The following RAP1GAP2 variants were observed in gnomAD, a reference collection of about 807,000 sequenced individuals.
RAP1GAP2 encodes rap1 GTPase-activating protein 2.
Under a neutral mutation model 95.0 loss-of-function variants are expected in RAP1GAP2, and 27 were observed. That is an observed-to-expected ratio of 0.28 (90% CI 0.21 to 0.39). RAP1GAP2 has a LOEUF of 0.39. Ranked by LOEUF, RAP1GAP2 falls within the 10% of genes least tolerant of loss-of-function variation. The pLI is 1.00. For synonymous variants in RAP1GAP2, 373 were observed against 380.9 expected, an observed-to-expected ratio of 0.98 and a Z score of 0.24; for missense variants, 771 against 970.0, an observed-to-expected ratio of 0.79 and a Z score of 2.72.
intron 11 of RAP1GAP2, among the ~76,000 whole-genome samples, chr17:2,990,845 CTTTTT>C (rs34075979): frequency 2.3e-5 from 3 of 128,772 alleles, no homozygotes; most frequent in Non-Finnish European, 1.6e-5. Context: ...GTTCTTTATT[CTTTTT>C]TTTTTTTTTT....
chr17:2,824,740 CAAAA>C (rs940171590), intron 2 of RAP1GAP2, among the ~76,000 whole-genome samples: 1 of 56,652 alleles, frequency 1.8e-5, no homozygotes, highest in Non-Finnish European at 3.9e-5. Context: ...AACTCTGTCT[CAAAA>C]AAAAAAAAAA....
At chr17:2,966,736 T>C (rs1315360845) in intron 8 of RAP1GAP2, among the ~76,000 whole-genome samples, 5 of 152,174 alleles carry the variant, frequency 3.3e-5, no homozygotes, top group Admixed American at 6.5e-5. Context: ...AAGAGCCAAT[T>C]TTCTGAGAGG....
At chr17:2,868,824 A>C (rs905420070) in intron 2 of RAP1GAP2, among the ~76,000 whole-genome samples, 4 of 152,160 alleles carry the variant, frequency 2.6e-5, no homozygotes, top group Non-Finnish European at 4.4e-5. Context: ...CGGCCAGAAC[A>C]GATAGTGTTT....
chr17:2,793,882 C>T (rs1232113097), upstream of RAP1GAP2, among the ~76,000 whole-genome samples: 5 of 151,974 alleles, frequency 3.3e-5, no homozygotes, highest in Non-Finnish European at 7.4e-5. Flanking sequence ...GGGTGGATCA[C>T]CGGAGGTCAG....
chr17:2,812,573 C>G (rs1178671863), intron 2 of RAP1GAP2, among the ~76,000 whole-genome samples: 1 of 151,890 alleles, frequency 6.6e-6, no homozygotes, highest in Non-Finnish European at 1.5e-5. Context: ...CCCCCAGCCC[C>G]CATCTGGTGG....
Position 2,857,376 on chromosome 17 carries a change from G to C in RAP1GAP2, c.81-47908G>C, listed in dbSNP as rs543723516. Among the ~76,000 whole-genome samples the C allele has an allele frequency of 6.6e-6, 1 of 152,306 alleles. No individual in the cohort carries two copies. The highest frequency in any genetic ancestry group is 2.1e-4 in the South Asian group (1 of 4,816). On this transcript the variant is annotated intron_variant, in intron 2 of 24. Transcript: ENST00000254695. The surrounding 1 kb of genome is among the most constrained non-coding windows in gnomAD (Gnocchi z 4.0). ...TGCCAGCCAGGGTAGTCATGAGACA[G>C]ATGTCCCATATAGTCCCAGAACTAG... is the stretch of plus-strand genomic sequence containing the variant.
Position 2,905,828 on chromosome 17 carries a change from G to A in RAP1GAP2, c.165+460G>A, listed in dbSNP as rs528761114. 3.3e-5 allele frequency among the ~76,000 whole-genome samples: 5 copies of A among 152,254 alleles called. No homozygotes were observed. The South Asian group carries it at 1.0e-3, about 32-fold the overall frequency. ...GAAGGGTTGGCTGGAGGTTCGGGTC[G>A]GGGTGGCAGTTATTTTCTTATCAGC... On this transcript the variant is annotated intron_variant, in intron 3 of 24. Coordinates refer to ENST00000254695, the MANE Select transcript of RAP1GAP2 (RefSeq NM_015085.5).
chr17:2,801,980 C>T (rs1194729812), intron 2 of RAP1GAP2, among the ~76,000 whole-genome samples: 1 of 152,176 alleles, frequency 6.6e-6, no homozygotes, highest in Non-Finnish European at 1.5e-5. Flanking sequence ...GCAATGAGTA[C>T]TGGCTAACCA....
At chr17:2,912,951 G>A (rs561033300) in intron 3 of RAP1GAP2, among the ~76,000 whole-genome samples, 1 of 152,294 alleles carries the variant, frequency 6.6e-6, no homozygotes, top group African/African-American at 2.4e-5. Context: ...GCTGAGGCAG[G>A]AGGATCCCTT....
upstream of RAP1GAP2, among the ~76,000 whole-genome samples, chr17:2,775,611 G>A (rs1487694321): frequency 1.3e-5 from 2 of 152,166 alleles, no homozygotes; most frequent in Admixed American, 6.6e-5. Flanking sequence ...GGGTCAGGAG[G>A]CCATGACCCA....
At position 2,965,683 on chromosome 17, in the gene RAP1GAP2, G is replaced by A; in HGVS notation, c.596+40G>A. On this transcript the variant is annotated intron_variant, in intron 8 of 24. Coordinates refer to ENST00000254695, the MANE Select transcript of RAP1GAP2 (RefSeq NM_015085.5). The surrounding 1 kb of genome is among the most constrained non-coding windows in gnomAD (Gnocchi z 4.7). ...CTGCTTGAGGCCACTTCTCTTCCAG[G>A]CAGGGCTCTCATCGGTGGTGTGGGG... The A allele has an allele frequency of 6.9e-7, 1 of 1,442,266 alleles. No individual in the cohort carries two copies. The highest frequency in any genetic ancestry group is 9.6e-7 in the Non-Finnish European group (1 of 1,040,834). The allele number at this position is 1,442,266 out of a possible 1,614,324, so 89.3% of individuals were successfully genotyped here.
intron 2 of RAP1GAP2, among the ~76,000 whole-genome samples, chr17:2,800,950 A>G (rs1284709449): frequency 6.7e-6 from 1 of 149,880 alleles, no homozygotes; most frequent in East Asian, 2.0e-4. Flanking sequence ...TCCAGGTTCA[A>G]GTGAATCTCC....
At chr17:3,011,925 A>G (rs1163511727) in intron 17 of RAP1GAP2, among the ~76,000 whole-genome samples, 1 of 152,064 alleles carries the variant, frequency 6.6e-6, no homozygotes, top group African/African-American at 2.4e-5. Context: ...CCTTCCTGTC[A>G]AAGTTCTCAT....
chr17:2,925,714 G>C (rs1335748633), intron 3 of RAP1GAP2, among the ~76,000 whole-genome samples: 1 of 152,170 alleles, frequency 6.6e-6, no homozygotes, highest in African/African-American at 2.4e-5. Flanking sequence ...AAGGAGCTCA[G>C]AGTGAGTCCT....
intron 3 of RAP1GAP2, among the ~76,000 whole-genome samples, chr17:2,944,550 T>C (rs1446497434): frequency 6.6e-6 from 1 of 152,190 alleles, no homozygotes; most frequent in East Asian, 1.9e-4. Context: ...TTATAGTAAG[T>C]ATTGATTGGG....
chr17:2,765,400 C>T (rs7220919), intron 1 of RAP1GAP2, among the ~76,000 whole-genome samples: 22,026 of 151,586 alleles, frequency 0.15, 1,991 homozygotes, highest in African/African-American at 0.26. Flanking sequence ...GCAGGAGGAT[C>T]GCTTGAGCCC....
chr17:2,860,594 C>CTTTTTTTTT (rs561492877), intron 2 of RAP1GAP2, among the ~76,000 whole-genome samples: 9 of 96,064 alleles, frequency 9.4e-5, no homozygotes, highest in Non-Finnish European at 1.2e-4. Context: ...ACTTATTTAT[C>CTTTTTTTTT]TTTTTTTTTT....
At chr17:2,889,889 A>ATATATAGTTT (rs1408426152) in intron 2 of RAP1GAP2, among the ~76,000 whole-genome samples, 1 of 57,324 alleles carries the variant, frequency 1.7e-5, no homozygotes, top group Non-Finnish European at 3.1e-5. Flanking sequence ...ATATATATAT[A>ATATATAGTTT]TTTTTTTTTT....
chr17:2,952,537 G>A (rs188245629), intron 3 of RAP1GAP2, among the ~76,000 whole-genome samples: 1 of 152,276 alleles, frequency 6.6e-6, no homozygotes, highest in East Asian at 1.9e-4. Context: ...GGTGCCTTTC[G>A]GAAAGCTGTA....
Sources: gnomAD v4.1 joint callset for allele counts (sites outside exome capture counted in the v4.1 genomes callset) on GRCh38, gnomAD v4.1.1 for gene constraint, Gnocchi (gnomAD v3.1) non-coding constraint, MANE v1.5 for transcripts, NCBI Gene and HGNC (gene_info 2026-07-23, HGNC 2026-07-21) for gene names.